The following MEGF10 variants were observed in gnomAD, a reference collection of about 807,000 sequenced individuals.
MEGF10 encodes the protein multiple epidermal growth factor-like domains protein 10.
A neutral mutation model predicts 147.5 loss-of-function variants in MEGF10; 86 were observed. The observed-to-expected ratio is 0.58, with a 90% CI of 0.49 to 0.70. The LOEUF (loss-of-function observed/expected upper bound fraction) is 0.70. MEGF10 is among the 30% of genes least tolerant of loss of function. The pLI is 0.00. For missense variants in MEGF10, 1,329 were observed against 1,487.3 expected (o/e 0.89, Z 1.75); for synonymous variants, 478 against 525.5 (o/e 0.91, Z 1.24).
chr5:127,400,871 T>C (rs1032611751), intron 7 of MEGF10, among the ~76,000 whole-genome samples: 26 of 152,344 alleles, frequency 1.7e-4, no homozygotes, highest in African/African-American at 6.3e-4. Flanking sequence ...GTTTGTTTTT[T>C]TCTCCTGTGT....
At chr5:127,357,588 A>AAAATAAATAAATAAATAAAT (rs71573990) in intron 4 of MEGF10, among the ~76,000 whole-genome samples, 14 of 132,592 alleles carry the variant, frequency 1.1e-4, no homozygotes, top group African/African-American at 1.5e-4. Flanking sequence ...ACCCTGCCTC[A>AAAATAAATAAATAAATAAAT]AAATAAATAA....
At chr5:127,239,948 AC>A in the MEGF10 span, among the ~76,000 whole-genome samples, 1 of 152,008 alleles carries the variant, frequency 6.6e-6, no homozygotes, top group Non-Finnish European at 1.5e-5. Context: ...CTGGACCCTG[AC>A]CCCATCCCCC....
At chr5:127,233,058 T>A in the MEGF10 span, among the ~76,000 whole-genome samples, 1 of 152,226 alleles carries the variant, frequency 6.6e-6, no homozygotes, top group Non-Finnish European at 1.5e-5. Flanking sequence ...CACAGGAGAA[T>A]TGCTCCTAAT....
chr5:127,402,781 C>G (rs1054738124), intron 8 of MEGF10, 99 bp downstream of exon 8: 1 of 1,245,704 alleles, frequency 8.0e-7, no homozygotes, highest in Non-Finnish European at 1.1e-6. Context: ...GTCCATGACT[C>G]TTCCATAATA....
At chr5:127,359,982 G>A (rs1041324994) in intron 4 of MEGF10, among the ~76,000 whole-genome samples, 2 of 152,006 alleles carry the variant, frequency 1.3e-5, no homozygotes, top group Admixed American at 6.6e-5. Flanking sequence ...GAAATGTTTG[G>A]TATTGCTTTG....
chr5:127,270,095 A>G, the MEGF10 span, among the ~76,000 whole-genome samples: 7 of 152,224 alleles, frequency 4.6e-5, no homozygotes, highest in African/African-American at 1.7e-4. Flanking sequence ...CTAAACATGG[A>G]AAGGAACAAC....
At chr5:127,244,624 C>A in the MEGF10 span, among the ~76,000 whole-genome samples, 1 of 151,962 alleles carries the variant, frequency 6.6e-6, no homozygotes, top group Non-Finnish European at 1.5e-5. Flanking sequence ...AAAAATGTCA[C>A]CCCCCACCCC....
At chr5:127,336,453 A>G (rs1293874716) in intron 2 of MEGF10, among the ~76,000 whole-genome samples, 1 of 152,112 alleles carries the variant, frequency 6.6e-6, no homozygotes, top group African/African-American at 2.4e-5. Flanking sequence ...TGTCCTTTTA[A>G]TAAAAGAGCT....
the MEGF10 span, among the ~76,000 whole-genome samples, chr5:127,249,816 C>G: frequency 6.6e-6 from 1 of 152,020 alleles, no homozygotes; most frequent in African/African-American, 2.4e-5. Context: ...ATCAAGGCAG[C>G]AGCAGGTTTA....
chr5:127,411,963 A>G (rs1236927467), intron 9 of MEGF10, among the ~76,000 whole-genome samples: 1 of 152,240 alleles, frequency 6.6e-6, no homozygotes, highest in Admixed American at 6.5e-5. Flanking sequence ...TATGCAAAGG[A>G]AGAGCTCTGC....
At chr5:127,339,810 T>A (rs1284283021) in intron 3 of MEGF10, among the ~76,000 whole-genome samples, 1 of 152,178 alleles carries the variant, frequency 6.6e-6, no homozygotes, top group African/African-American at 2.4e-5. Flanking sequence ...TTATGCTCAA[T>A]GTCATTTCTT....
At chr5:127,345,821 C>T (rs375486780) in intron 4 of MEGF10, among the ~76,000 whole-genome samples, 17 of 152,276 alleles carry the variant, frequency 1.1e-4, no homozygotes, top group Admixed American at 2.0e-4. Flanking sequence ...CTGTACCCAA[C>T]GTCTAGTCTT....
the MEGF10 span, among the ~76,000 whole-genome samples, chr5:127,241,611 C>A: frequency 6.6e-6 from 1 of 152,122 alleles, no homozygotes; most frequent in African/African-American, 2.4e-5. Context: ...TTACTTGGTG[C>A]TATGTGTTCC....
chr5:127,233,757 T>G, the MEGF10 span, among the ~76,000 whole-genome samples: 1 of 152,174 alleles, frequency 6.6e-6, no homozygotes, highest in South Asian at 2.1e-4. Context: ...TACCGGGAGC[T>G]CATTTGTCAT....
In MEGF10 at chr5:127,438,544, G is replaced by A; in HGVS notation, c.2210G>A (p.Trp737Ter). The A allele has an allele frequency of 6.2e-7, 1 of 1,614,088 alleles. No homozygotes were observed. The highest frequency in any genetic ancestry group is 8.5e-7 in the Non-Finnish European group (1 of 1,179,954). ...YDGECKCTPG[W>*]TGLYCTQRCP... Reference sequence around the variant, plus strand: ...GGGGAATGTAAATGCACTCCTGGCTGGACAGGGCTCTACTGCACTCAGAGT... The same window carrying A: ...GGGGAATGTAAATGCACTCCTGGCTAGACAGGGCTCTACTGCACTCAGAGT... The change falls in exon 17 of 25, where the codon TGG becomes TAG. Residue 737 changes from tryptophan (W) to a stop codon, truncating the protein, a stop_gained. Transcript: ENST00000503335. LOFTEE classifies it high-confidence loss of function.
chr5:127,369,553 T>C (rs1762776990), intron 4 of MEGF10, among the ~76,000 whole-genome samples: 2 of 152,204 alleles, frequency 1.3e-5, no homozygotes, highest in South Asian at 4.1e-4. Context: ...TATCTTGCTT[T>C]GTGTTTCGTT....
the MEGF10 span, among the ~76,000 whole-genome samples, chr5:127,250,538 A>G: frequency 6.6e-6 from 1 of 152,028 alleles, no homozygotes; most frequent in Non-Finnish European, 1.5e-5. Flanking sequence ...ATTAGCATAA[A>G]ACAAGAACAA....
intron 1 of MEGF10, among the ~76,000 whole-genome samples, chr5:127,293,253 A>G (rs962049309): frequency 2.6e-5 from 4 of 152,218 alleles, no homozygotes; most frequent in Non-Finnish European, 4.4e-5. Context: ...AAATTACGTT[A>G]CTTCCATCTT....
chr5:127,409,181 G>T (rs898334728), intron 8 of MEGF10, among the ~76,000 whole-genome samples: 1 of 152,164 alleles, frequency 6.6e-6, no homozygotes, highest in Non-Finnish European at 1.5e-5. Context: ...AAGTTTTGTG[G>T]AAACACTATT....
Sources: allele counts gnomAD v4.1 joint callset (sites outside exome capture counted in the v4.1 genomes callset), GRCh38; gene constraint gnomAD v4.1.1; transcripts MANE v1.5; gene names NCBI Gene and HGNC (gene_info 2026-07-23, HGNC 2026-07-21).